Variants in PTPN4 observed in about 807,000 individuals in gnomAD.
PTPN4 encodes the protein tyrosine-protein phosphatase non-receptor type 4.
A neutral mutation model predicts 135.5 loss-of-function variants in PTPN4; 49 were observed. That is an observed-to-expected ratio of 0.36 (90% CI 0.29 to 0.46). The LOEUF (loss-of-function observed/expected upper bound fraction) is 0.46, where lower values mean the gene tolerates loss of function less well. PTPN4 is among the 20% of genes least tolerant of loss of function. PTPN4 has a pLI of 1.00. For synonymous variants in PTPN4, 333 were observed against 369.9 expected (o/e 0.90, Z 1.14); for missense variants, 860 against 1,101.0 (o/e 0.78, Z 3.10).
intron 2 of PTPN4, among the ~76,000 whole-genome samples, chr2:119,833,230 T>C (rs1372197291): frequency 6.6e-6 from 1 of 152,078 alleles, no homozygotes; most frequent in Non-Finnish European, 1.5e-5. Flanking sequence ...TCTTTCCATG[T>C]GGCTATCTAG....
At chr2:119,952,893 T>C (rs1471736513) in intron 19 of PTPN4, among the ~76,000 whole-genome samples, 2 of 152,216 alleles carry the variant, frequency 1.3e-5, no homozygotes, top group Non-Finnish European at 2.9e-5. Flanking sequence ...GGTCATTCCA[T>C]CTTTGGATAG....
At chr2:119,923,512 A>G (rs1157646198) in intron 12 of PTPN4, among the ~76,000 whole-genome samples, 1 of 152,220 alleles carries the variant, frequency 6.6e-6, no homozygotes, top group African/African-American at 2.4e-5. Flanking sequence ...TTGCCATTCA[A>G]GTCCAAAGTC....
rs137905161 is a variant in PTPN4 at position 119,914,752 on chromosome 2, G to T, written c.765-427G>T. Among the ~76,000 whole-genome samples the T allele has an allele frequency of 3.6e-3, 547 of 152,228 alleles. 3 individuals are homozygous for T. The highest frequency in any genetic ancestry group is 0.013 in the African/African-American group (525 of 41,546). Reference sequence around the variant, plus strand: ...TAATAAGGCTTTGAGAACGCTTATGGCATTATGTGGGTTGCGTTTAAGAAG... The same window carrying T: ...TAATAAGGCTTTGAGAACGCTTATGTCATTATGTGGGTTGCGTTTAAGAAG... On this transcript the variant is annotated intron_variant, in intron 10 of 26. Transcript: ENST00000263708.
At position 119,979,165 on chromosome 2, in the gene PTPN4, A is replaced by G. The variant is rs1319454987; in HGVS notation, c.*2095A>G. 1 of 152,180 alleles carries G rather than the reference A, an allele frequency of 6.6e-6. No individual in the cohort carries two copies. The highest frequency in any genetic ancestry group is 1.5e-5 in the Non-Finnish European group (1 of 67,978). The allele number at this position is 152,180 out of a possible 1,614,324, so 9.4% of individuals were successfully genotyped here. A position where few individuals can be genotyped will look rare whatever the true frequency, so the allele number is the denominator to read the frequency against. On this transcript the variant is annotated 3_prime_UTR_variant, in exon 27 of 27. Coordinates refer to ENST00000263708, the MANE Select transcript of PTPN4 (RefSeq NM_002830.4). Reference sequence around the variant, plus strand: ...AATTATGTCGGGGTCTACACATTAAATGACTGTTTTGGCAGTTTTTCACCT... The same window carrying G: ...AATTATGTCGGGGTCTACACATTAAGTGACTGTTTTGGCAGTTTTTCACCT...
At chr2:119,970,355 C>T (rs928970426) in intron 26 of PTPN4, among the ~76,000 whole-genome samples, 5 of 152,070 alleles carry the variant, frequency 3.3e-5, no homozygotes, top group Non-Finnish European at 7.4e-5. Context: ...CCACCAGGCC[C>T]GGCTATATAA....
chr2:119,771,868 C>T (rs1690741155), intron 1 of PTPN4, among the ~76,000 whole-genome samples: 4 of 152,144 alleles, frequency 2.6e-5, no homozygotes, highest in Admixed American at 2.6e-4. Context: ...TTTTTAAGTG[C>T]AGTTTGCTAT....
intron 9 of PTPN4, among the ~76,000 whole-genome samples, chr2:119,897,165 T>TC (rs547119179): frequency 8.2e-4 from 125 of 152,268 alleles, no homozygotes; most frequent in Middle Eastern, 3.4e-3. Flanking sequence ...CCTCCTGACT[T>TC]CAAGTGATCC....
intron 10 of PTPN4, among the ~76,000 whole-genome samples, chr2:119,909,827 A>C (rs148658763): frequency 3.1e-4 from 47 of 152,270 alleles, no homozygotes; most frequent in African/African-American, 1.1e-3. Context: ...TTAAGACTTC[A>C]GGGGAGGAAG....
intron 26 of PTPN4, among the ~76,000 whole-genome samples, chr2:119,973,106 A>G (rs1679560124): frequency 6.6e-6 from 1 of 151,970 alleles, no homozygotes; most frequent in African/African-American, 2.4e-5. Flanking sequence ...TTTTTTTGCA[A>G]CCAATTTGCA....
intron 9 of PTPN4, among the ~76,000 whole-genome samples, chr2:119,889,350 G>A (rs1678207369): frequency 1.3e-5 from 2 of 152,136 alleles, no homozygotes; most frequent in Admixed American, 1.3e-4. Flanking sequence ...AACCCTGGAG[G>A]CGGAGCTTGC....
At chr2:119,952,774 C>A (rs1679227879) in intron 19 of PTPN4, among the ~76,000 whole-genome samples, 1 of 152,166 alleles carries the variant, frequency 6.6e-6, no homozygotes, top group South Asian at 2.1e-4. Flanking sequence ...TTGGAGAAAA[C>A]TTGAATGCCG....
At chr2:119,854,966 T>C (rs1267704998) in intron 2 of PTPN4, among the ~76,000 whole-genome samples, 2 of 152,184 alleles carry the variant, frequency 1.3e-5, no homozygotes, top group East Asian at 3.9e-4. Context: ...AAGGCCTGTC[T>C]ATTTTGTGCT....
intron 26 of PTPN4, among the ~76,000 whole-genome samples, chr2:119,968,708 C>T (rs532719501): frequency 1.4e-4 from 22 of 152,168 alleles, no homozygotes; most frequent in African/African-American, 4.8e-4. Context: ...AGGAGAATGG[C>T]GTGAACCCGG....
At chr2:119,788,347 G>A (rs1014979281) in intron 1 of PTPN4, among the ~76,000 whole-genome samples, 6 of 152,100 alleles carry the variant, frequency 3.9e-5, no homozygotes, top group African/African-American at 1.4e-4. Context: ...CTAATTAACT[G>A]CCTGACACAC....
chr2:119,980,261 GTTTA>G lies in PTPN4; in HGVS notation c.*3197_*3200del, dbSNP rs1428399527. 2 of 152,072 alleles carry G rather than the reference GTTTA, an allele frequency of 1.3e-5. No homozygotes were observed. Among genetic ancestry groups the G allele is most frequent in the African/African-American group, 4.8e-5 (2 of 41,442 alleles). The allele number at this position is 152,072 out of a possible 1,614,324, so 9.4% of individuals were successfully genotyped here. ...CACACACATAGAGCTACTTTTGTGT[GTTTA>G]TTTATATGTATATTTCACAAAGGCT... is the stretch of plus-strand genomic sequence containing the variant. On this transcript the variant is annotated 3_prime_UTR_variant, in exon 27 of 27. Transcript: ENST00000263708.
chr2:119,844,536 C>G (rs573512640), intron 2 of PTPN4, among the ~76,000 whole-genome samples: 2 of 133,114 alleles, frequency 1.5e-5, no homozygotes, highest in East Asian at 2.3e-4. Context: ...ACTTCTCAGA[C>G]GGGGCGGCCG....
chr2:119,905,049 A>C (rs35882755), intron 10 of PTPN4, among the ~76,000 whole-genome samples: 26,958 of 145,832 alleles, frequency 0.18, 2,598 homozygotes, highest in Middle Eastern at 0.32. Flanking sequence ...AAAAAAAAAA[A>C]CAAATAATCA....
At chr2:119,952,427 CTT>C (rs372521141) in intron 19 of PTPN4, among the ~76,000 whole-genome samples, 129 of 152,210 alleles carry the variant, frequency 8.5e-4, no homozygotes, top group Middle Eastern at 3.4e-3. Context: ...CTGACATACT[CTT>C]TTTGATTTTG....
chr2:119,965,355 A>C, intron 24 of PTPN4, 142 bp from the exon 25 acceptor site: 1 of 762,984 alleles, frequency 1.3e-6, no homozygotes, highest in South Asian at 2.1e-5. Context: ...CAGCTGACCT[A>C]GTGATCAATG....
Sources: gnomAD v4.1 joint callset for allele counts (sites outside exome capture counted in the v4.1 genomes callset) on GRCh38, gnomAD v4.1.1 for gene constraint, MANE v1.5 for transcripts, NCBI Gene and HGNC (gene_info 2026-07-23, HGNC 2026-07-21) for gene names.